AK7: variants seen among roughly 807,000 people sequenced by gnomAD.
AK7 encodes the protein adenylate kinase 7.
A neutral mutation model predicts 96.6 loss-of-function variants in AK7; 78 were observed. The ratio of observed to expected loss-of-function variants is 0.81; its 90% CI spans 0.67 to 0.97. The LOEUF (loss-of-function observed/expected upper bound fraction) is 0.97. Ranked by LOEUF, AK7 falls within the 50% of genes least tolerant of loss-of-function variation. The probability of loss-of-function intolerance (pLI) is 0.00; values close to 1 mark genes in which losing one functional copy is unlikely to be tolerated. For synonymous variants in AK7, 302 were observed against 317.2 expected (o/e 0.95, Z 0.51); for missense variants, 855 against 887.9 (o/e 0.96, Z 0.47).
chr14:96,456,238 CAAAAAAAA>C, intron 10 of AK7, 101 bp from the exon 11 acceptor site: 600 of 395,876 alleles, frequency 1.5e-3, no homozygotes, highest in South Asian at 1.9e-3. Flanking sequence ...GACTCTGTCT[CAAAAAAAA>C]AAAAAAAAAA....
chr14:96,435,080 C>T (rs1892566924), intron 5 of AK7, among the ~76,000 whole-genome samples: 1 of 152,048 alleles, frequency 6.6e-6, no homozygotes, highest in Non-Finnish European at 1.5e-5. Context: ...CAAGAGCCTC[C>T]TTGGTGCTCT....
In AK7 at chr14:96,472,753, C is replaced by T; in HGVS notation, c.1553C>T (p.Pro518Leu). 2 of 1,609,122 alleles carry T rather than the reference C, an allele frequency of 1.2e-6. No homozygotes were observed. Among genetic ancestry groups the T allele is most frequent in the Admixed American group, 1.7e-5 (1 of 59,958 alleles). The stretch of plus-strand genomic sequence containing the variant: ...TTTCCCTTTGATAAATTAATTATAC[C>T]TGGTAAGTTTATTTCCCTAAGATCA... ...RMFPFDKLII[P>L]EFVCALDASD... is the part of the protein sequence containing the mutation. Residue 518 changes from proline to leucine, a missense_variant and splice_region_variant, in exon 14 of 18, where the codon CCT becomes CTT. By Grantham distance (98) the Pro-to-Leu change is moderately conservative. Transcript: ENST00000267584.
chr14:96,406,738 T>C (rs8021885), intron 3 of AK7, among the ~76,000 whole-genome samples: 12,514 of 152,112 alleles, frequency 0.082, 574 homozygotes, highest in Admixed American at 0.11. Context: ...CAGGCTGGAG[T>C]GCAGCAGTAT....
chr14:96,477,684 C>T (rs1254125101), intron 14 of AK7, among the ~76,000 whole-genome samples: 1 of 152,216 alleles, frequency 6.6e-6, no homozygotes, highest in Non-Finnish European at 1.5e-5. Context: ...TCATTATTAA[C>T]ATGATCTGTG....
At chr14:96,412,600 A>G (rs184774781) in intron 4 of AK7, among the ~76,000 whole-genome samples, 22 of 140,280 alleles carry the variant, frequency 1.6e-4, no homozygotes, top group Non-Finnish European at 2.9e-4. Context: ...CAGTCTTGCT[A>G]TGTCACCCAG....
Position 96,398,208 on chromosome 14 carries a change from G to A in AK7, c.239G>A (p.Gly80Asp), listed in dbSNP as rs1470490090. The change falls in exon 2 of 18, where the codon GGC (glycine) becomes GAC (aspartate). Residue 80 changes from glycine to aspartate, a missense_variant. Transcript: ENST00000267584. ...KVKEGTFQIV[G>D]TLSKPDSPRP... Reference sequence around the variant, plus strand: ...AAGGAAGGCACATTCCAGATTGTGGGCACGCTGTCCAAGCCTGACAGCCCG... The same window carrying A: ...AAGGAAGGCACATTCCAGATTGTGGACACGCTGTCCAAGCCTGACAGCCCG... The A allele has an allele frequency of 3.7e-6, 6 of 1,613,956 alleles. No individual in the cohort carries two copies. The highest frequency in any genetic ancestry group is 5.1e-6 in the Non-Finnish European group (6 of 1,180,026).
chr14:96,478,375 G>A, intron 14 of AK7, 90 bp from the exon 15 acceptor site: 1 of 1,339,798 alleles, frequency 7.5e-7, no homozygotes, highest in Non-Finnish European at 1.1e-6. Flanking sequence ...GGAGGTCTTG[G>A]CTGGTAACCA....
intron 7 of AK7, 56 bp from the exon 8 acceptor site, chr14:96,446,461 T>G: frequency 6.8e-7 from 1 of 1,477,554 alleles, no homozygotes; most frequent in Admixed American, 1.7e-5. Context: ...AATTCTAGTT[T>G]ACTGCATCTC....
intron 12 of AK7, among the ~76,000 whole-genome samples, chr14:96,468,681 G>A (rs982013207): frequency 6.6e-6 from 1 of 152,136 alleles, no homozygotes; most frequent in Non-Finnish European, 1.5e-5. Flanking sequence ...TGAGGGGACA[G>A]AAGCCAGGTT....
At chr14:96,420,080 G>A (rs925126252) in intron 4 of AK7, among the ~76,000 whole-genome samples, 1 of 151,426 alleles carries the variant, frequency 6.6e-6, no homozygotes, top group African/African-American at 2.4e-5. Flanking sequence ...TAGCCAGGCT[G>A]GTCTCGAACT....
intron 5 of AK7, among the ~76,000 whole-genome samples, chr14:96,435,039 C>T (rs1374875185): frequency 6.6e-6 from 1 of 151,662 alleles, no homozygotes; most frequent in Non-Finnish European, 1.5e-5. Context: ...TCCAGAAATG[C>T]CATTCAAGAG....
intron 4 of AK7, among the ~76,000 whole-genome samples, chr14:96,414,304 G>A (rs1260826389): frequency 6.6e-6 from 1 of 152,206 alleles, no homozygotes; most frequent in Non-Finnish European, 1.5e-5. Flanking sequence ...GCTTGGAAGA[G>A]ATGCTCATCA....
intron 4 of AK7, among the ~76,000 whole-genome samples, chr14:96,409,321 C>T (rs1047944752): frequency 1.3e-5 from 2 of 152,200 alleles, no homozygotes; most frequent in Non-Finnish European, 2.9e-5. Flanking sequence ...GCCTGTAACC[C>T]GGCACTTTGG....
rs548178362 is a variant in AK7 at position 96,404,720 on chromosome 14, C to T, written c.295-37C>T. The T allele has an allele frequency of 1.1e-5, 15 of 1,381,284 alleles. 1 individual carries two copies. In the Middle Eastern group the frequency reaches 7.3e-4, roughly 67 times the overall value. The allele number at this position is 1,381,284 out of a possible 1,614,324, so 85.6% of individuals were successfully genotyped here. On this transcript the variant is annotated intron_variant, in intron 2 of 17. Coordinates refer to ENST00000267584, the MANE Select transcript of AK7 (RefSeq NM_152327.5). The stretch of plus-strand genomic sequence containing the variant: ...TGAAATATGAAGGTTACCTTGTTAG[C>T]GTCTTGCTGCAAATGGCTGTCAATT...
At chr14:96,425,925 T>G (rs185249815) in intron 5 of AK7, among the ~76,000 whole-genome samples, 1 of 152,374 alleles carries the variant, frequency 6.6e-6, no homozygotes, top group Admixed American at 6.5e-5. Context: ...GTGTTTCTTG[T>G]AGGCAACAGA....
At chr14:96,456,755 A>T (rs576007821) in intron 11 of AK7, 1 of 296,084 alleles carries the variant, frequency 3.4e-6, no homozygotes, top group East Asian at 7.9e-5. Flanking sequence ...CCCGCAATGA[A>T]CACAAGTGTG....
chr14:96,479,907 C>G (rs1895418989), intron 15 of AK7, among the ~76,000 whole-genome samples: 1 of 143,266 alleles, frequency 7.0e-6, no homozygotes. Flanking sequence ...CCTGGAGTAT[C>G]GGGAGGCTTA....
chr14:96,450,579 A>G (rs1029576581), intron 9 of AK7, among the ~76,000 whole-genome samples: 1 of 151,924 alleles, frequency 6.6e-6, no homozygotes, highest in African/African-American at 2.4e-5. Context: ...CAAAAAAAAA[A>G]AAATAGGGTT....
chr14:96,483,176 AGGCCGTGGAGAT>A lies in AK7; in HGVS notation c.1935_1946del (p.Val646_Ala649del). ...GAGGAAGCAGAACGCGAGCACCAGG[AGGCCGTGGAGAT>A]GGCAGAGAAGATAGCTCGCTGGGAG... On this transcript the variant is annotated inframe_deletion, in exon 16 of 18. Coordinates refer to ENST00000267584, the MANE Select transcript of AK7 (RefSeq NM_152327.5). 4 of 1,612,642 alleles carry A rather than the reference AGGCCGTGGAGAT, an allele frequency of 2.5e-6. No homozygotes were observed. The highest frequency in any genetic ancestry group is 3.4e-6 in the Non-Finnish European group (4 of 1,179,474).
Sources: gnomAD v4.1 joint callset for allele counts (sites outside exome capture counted in the v4.1 genomes callset) on GRCh38, gnomAD v4.1.1 for gene constraint, MANE v1.5 for transcripts, NCBI Gene and HGNC (gene_info 2026-07-23, HGNC 2026-07-21) for gene names.